The following PCDHGA11 variants were observed in gnomAD, a reference collection of about 807,000 sequenced individuals.
PCDHGA11 encodes the protein protocadherin gamma-A11.
A neutral mutation model predicts 60.4 loss-of-function variants in PCDHGA11; 39 were observed. That is an observed-to-expected ratio of 0.65 (90% CI 0.50 to 0.84). The LOEUF is 0.84. Among genes scored for constraint, PCDHGA11 ranks in the 40% least tolerant of loss-of-function variants. The pLI, the probability that PCDHGA11 is intolerant of heterozygous loss-of-function variation, is 0.00. For missense variants in PCDHGA11, 1,165 were observed against 1,197.7 expected (o/e 0.97, Z 0.40); for synonymous variants, 533 against 510.3 (o/e 1.04, Z -0.60).
intron 1 of PCDHGA11, chr5:141,427,958 G>T: frequency 6.3e-7 from 1 of 1,588,408 alleles, no homozygotes; most frequent in Non-Finnish European, 8.6e-7. Flanking sequence ...ACAATGTGCC[G>T]CGGGTGCTGT....
intron 1 of PCDHGA11, chr5:141,440,034 A>T (rs995962283): frequency 6.5e-6 from 1 of 153,052 alleles, no homozygotes; most frequent in African/African-American, 2.4e-5. Context: ...AGTGTCGAGG[A>T]CATGCCCACT....
At chr5:141,456,312 G>A (rs1036961015) in intron 1 of PCDHGA11, among the ~76,000 whole-genome samples, 2 of 152,126 alleles carry the variant, frequency 1.3e-5, no homozygotes, top group African/African-American at 4.8e-5. Flanking sequence ...AGCAGCTAGG[G>A]CTCCTCCTGG....
chr5:141,481,312 T>C (rs953898526), intron 1 of PCDHGA11, among the ~76,000 whole-genome samples: 1 of 152,200 alleles, frequency 6.6e-6, no homozygotes, highest in Non-Finnish European at 1.5e-5. Flanking sequence ...AAAACCTTCC[T>C]AAAGCACTAG....
intron 1 of PCDHGA11, among the ~76,000 whole-genome samples, chr5:141,450,830 T>A (rs923422605): frequency 3.0e-5 from 3 of 101,548 alleles, no homozygotes; most frequent in African/African-American, 1.3e-4. Context: ...ATTATTATTA[T>A]TTTTTTTTTT....
At position 141,432,993 on chromosome 5, in the gene PCDHGA11, G is replaced by C. The variant is rs749499789; in HGVS notation, c.2433+9333G>C. 7 of 1,614,208 alleles carry C rather than the reference G, an allele frequency of 4.3e-6. No homozygotes were observed. In the South Asian group the frequency reaches 7.7e-5, roughly 18 times the overall value. On this transcript the variant is annotated intron_variant, in intron 1 of 3. Transcript: ENST00000398587. This position sits in a 1 kb window ranked among gnomAD's most constrained non-coding sequence, Gnocchi z 6.0. ...GCGTCGCACTTTGTGGGCGTGGACG[G>C]GGTGCAGGCTTTCCTGCAGACCTAT...
chr5:141,478,049 A>G, intron 1 of PCDHGA11: 2 of 1,614,056 alleles, frequency 1.2e-6, no homozygotes, highest in Middle Eastern at 3.3e-4. Flanking sequence ...GCAGACTCTC[A>G]CGGTCTTGAT....
intron 1 of PCDHGA11, among the ~76,000 whole-genome samples, chr5:141,479,138 T>G (rs1469363480): frequency 6.6e-6 from 1 of 152,232 alleles, no homozygotes; most frequent in Non-Finnish European, 1.5e-5. Flanking sequence ...GCACCCTGCT[T>G]ACAAAATATT....
intron 2 of PCDHGA11, among the ~76,000 whole-genome samples, chr5:141,497,006 T>C (rs947830895): frequency 1.3e-5 from 2 of 151,678 alleles, no homozygotes; most frequent in South Asian, 2.1e-4. Context: ...GCAGCCAACA[T>C]GGTGAAACCC....
intron 1 of PCDHGA11, chr5:141,427,830 C>T (rs749612858): frequency 7.8e-6 from 12 of 1,538,204 alleles, no homozygotes; most frequent in African/African-American, 1.4e-5. Flanking sequence ...GGTCGCGCAG[C>T]GTGCCTTCGA....
chr5:141,461,037 G>T (rs1254497108), intron 1 of PCDHGA11, among the ~76,000 whole-genome samples: 1 of 150,988 alleles, frequency 6.6e-6, no homozygotes, highest in Non-Finnish European at 1.5e-5. Flanking sequence ...CCACTCATTA[G>T]TCGATGGGGA....
rs769153122 is a variant in PCDHGA11 at position 141,485,243 on chromosome 5, C to T, written c.2434-9564C>T. 8 of 1,614,062 alleles carry T rather than the reference C, an allele frequency of 5.0e-6. No homozygotes were observed. In the Admixed American group the frequency reaches 1.2e-4, roughly 24 times the overall value. ...TACCCTTTTGTTCCTCTTTTACCACCTGGGTTACGTTTGTGGGCAGATCCG... is the reference window on the plus strand; with the variant it reads ...TACCCTTTTGTTCCTCTTTTACCACTTGGGTTACGTTTGTGGGCAGATCCG... On this transcript the variant is annotated intron_variant, in intron 1 of 3. Transcript: ENST00000398587. The surrounding 1 kb of genome is among the most constrained non-coding windows in gnomAD (Gnocchi z 5.7).
intron 2 of PCDHGA11, among the ~76,000 whole-genome samples, chr5:141,495,471 G>A (rs2099761632): frequency 6.6e-6 from 1 of 152,190 alleles, no homozygotes; most frequent in Non-Finnish European, 1.5e-5. Context: ...TGGGGTCTCC[G>A]TGTCTCTGCC....
chr5:141,490,004 C>A lies in PCDHGA11; in HGVS notation c.2434-4803C>A. The A allele has an allele frequency of 6.2e-7, 1 of 1,614,174 alleles. No homozygotes were observed. The highest frequency in any genetic ancestry group is 1.7e-5 in the Admixed American group (1 of 60,034). On this transcript the variant is annotated intron_variant, in intron 1 of 3. Transcript: ENST00000398587. The surrounding 1 kb of genome is among the most constrained non-coding windows in gnomAD (Gnocchi z 5.4). ...CTACGTGTGGGAATCCCAGAGAATGCACCCATTGGTACTCTGCTGCTCCGC... is the reference window on the plus strand; with the variant it reads ...CTACGTGTGGGAATCCCAGAGAATGAACCCATTGGTACTCTGCTGCTCCGC...
chr5:141,472,865 A>G (rs1329594490), intron 1 of PCDHGA11, among the ~76,000 whole-genome samples: 3 of 149,558 alleles, frequency 2.0e-5, no homozygotes, highest in Non-Finnish European at 4.5e-5. Flanking sequence ...ACATGCCTGT[A>G]TTCCCAGCTA....
chr5:141,480,240 C>CAA (rs11374694), intron 1 of PCDHGA11, among the ~76,000 whole-genome samples: 156 of 114,060 alleles, frequency 1.4e-3, no homozygotes, highest in Admixed American at 4.6e-3. Flanking sequence ...CCTGTCTCTA[C>CAA]AAAAAAAAAA....
At chr5:141,488,207 TC>T (rs2099672969) in intron 1 of PCDHGA11, among the ~76,000 whole-genome samples, 1 of 152,216 alleles carries the variant, frequency 6.6e-6, no homozygotes, top group Non-Finnish European at 1.5e-5. Context: ...AGGACTCATA[TC>T]AAGTCCCTAC....
At chr5:141,475,103 G>A (rs771784343) in intron 1 of PCDHGA11, among the ~76,000 whole-genome samples, 1 of 152,176 alleles carries the variant, frequency 6.6e-6, no homozygotes, top group Non-Finnish European at 1.5e-5. Flanking sequence ...AAGATCCTAG[G>A]TGGTAAATAG....
chr5:141,491,580 G>A lies in PCDHGA11; in HGVS notation c.2434-3227G>A. 6.2e-7 allele frequency: 1 copy of A among 1,613,942 alleles called. No individual in the cohort carries two copies. Among genetic ancestry groups the A allele is most frequent in the Non-Finnish European group, 8.5e-7 (1 of 1,180,044 alleles). ...ACTGCTACAGGACGTGCTTTTCACC[G>A]GCCTCGGACGGCAGTGACTTCACTT... is the stretch of plus-strand genomic sequence containing the variant. On this transcript the variant is annotated intron_variant, in intron 1 of 3. Coordinates refer to ENST00000398587, the MANE Select transcript of PCDHGA11 (RefSeq NM_018914.3). The surrounding 1 kb of genome is among the most constrained non-coding windows in gnomAD (Gnocchi z 6.9).
At chr5:141,468,744 T>G (rs113912306) in intron 1 of PCDHGA11, among the ~76,000 whole-genome samples, 5,602 of 152,138 alleles carry the variant, frequency 0.037, 142 homozygotes, top group South Asian at 0.077. Flanking sequence ...CGGGTGCCTG[T>G]AGTCCCAGCT....
Sources: allele counts gnomAD v4.1 joint callset (sites outside exome capture counted in the v4.1 genomes callset), GRCh38; gene constraint gnomAD v4.1.1; non-coding constraint Gnocchi (gnomAD v3.1); transcripts MANE v1.5; gene names NCBI Gene and HGNC (gene_info 2026-07-23, HGNC 2026-07-21).